Variants in EPM2A observed in about 807,000 individuals in gnomAD.
EPM2A encodes EPM2A glucan phosphatase, laforin, also known as laforin.
Under a neutral mutation model 26.5 loss-of-function variants are expected in EPM2A, and 21 were observed. The observed-to-expected ratio is 0.79, with a 90% CI of 0.56 to 1.14. EPM2A has a LOEUF of 1.14. EPM2A is among the 50% of genes most tolerant of loss of function. The probability of loss-of-function intolerance (pLI) is 0.00; values close to 1 mark genes in which losing one functional copy is unlikely to be tolerated. For synonymous variants in EPM2A, 217 were observed against 177.6 expected (o/e 1.22, Z -1.76); for missense variants, 458 against 440.8 (o/e 1.04, Z -0.35).
chr6:145,706,555 T>G (rs1382732520), intron 1 of EPM2A, among the ~76,000 whole-genome samples: 1 of 152,092 alleles, frequency 6.6e-6, no homozygotes, highest in Non-Finnish European at 1.5e-5. Context: ...TTATACTAAA[T>G]CCAATCAACA....
chr6:145,732,225 G>GTC (rs1180696426), intron 1 of EPM2A, among the ~76,000 whole-genome samples: 2 of 117,104 alleles, frequency 1.7e-5, no homozygotes, highest in Admixed American at 1.1e-4. Context: ...GTGTGTGTGT[G>GTC]TGTGTGTGTG....
chr6:145,420,129 A>AT (rs1165643690), intron 4 of EPM2A, among the ~76,000 whole-genome samples: 2 of 152,082 alleles, frequency 1.3e-5, no homozygotes, highest in Admixed American at 6.6e-5. Flanking sequence ...AAATCATCTC[A>AT]TTTTTTTGTG....
chr6:145,528,549 A>G (rs1780310961), intron 2 of EPM2A, among the ~76,000 whole-genome samples: 1 of 152,184 alleles, frequency 6.6e-6, no homozygotes, highest in Non-Finnish European at 1.5e-5. Flanking sequence ...ATCTATTTAC[A>G]GCATGATTTA....
At chr6:145,467,973 G>A in intron 4 of EPM2A, among the ~76,000 whole-genome samples, 1 of 151,438 alleles carries the variant, frequency 6.6e-6, no homozygotes, top group Non-Finnish European at 1.5e-5. Context: ...ATTTTCTTGG[G>A]TTTTCTAAGT....
chr6:145,383,795 T>C (rs1778222522), exon 5 of EPM2A: 1 of 152,206 alleles, frequency 6.6e-6, no homozygotes, highest in Admixed American at 6.5e-5. Context: ...CTAGTCAAAA[T>C]ATCTATTCTA....
chr6:145,476,660 T>C (rs1779546982), intron 4 of EPM2A, among the ~76,000 whole-genome samples: 2 of 151,972 alleles, frequency 1.3e-5, no homozygotes, highest in Non-Finnish European at 2.9e-5. Flanking sequence ...TAGGGAACTA[T>C]ACAAATACAT....
intron 1 of EPM2A, among the ~76,000 whole-genome samples, chr6:145,716,236 G>A (rs528624684): frequency 2.0e-5 from 3 of 152,256 alleles, no homozygotes; most frequent in South Asian, 2.1e-4. Context: ...AGGGACAGAA[G>A]GCTAAGTGTC....
At chr6:145,622,747 G>A (rs533483230), downstream of EPM2A, among the ~76,000 whole-genome samples, 2 of 152,256 alleles carry the variant, frequency 1.3e-5, no homozygotes, top group African/African-American at 2.4e-5. Flanking sequence ...AGGAACTGGC[G>A]CTGCTCACCC....
At chr6:145,708,959 T>G (rs1158115429) in intron 1 of EPM2A, among the ~76,000 whole-genome samples, 1 of 152,224 alleles carries the variant, frequency 6.6e-6, no homozygotes, top group Non-Finnish European at 1.5e-5. Flanking sequence ...GAGATCATTT[T>G]GGAACTTTAA....
intron 4 of EPM2A, among the ~76,000 whole-genome samples, chr6:145,408,378 A>G (rs1311062238): frequency 6.6e-6 from 1 of 152,184 alleles, no homozygotes; most frequent in African/African-American, 2.4e-5. Context: ...ATGTACAAGA[A>G]GGATGAAGTT....
chr6:145,706,585 C>T (rs180800395), intron 1 of EPM2A, among the ~76,000 whole-genome samples: 8 of 152,198 alleles, frequency 5.3e-5, no homozygotes, highest in Admixed American at 2.0e-4. Flanking sequence ...TAGGTAGCCA[C>T]TGGAGAAAAA....
chr6:145,405,307 T>C (rs1029894203), intron 4 of EPM2A, among the ~76,000 whole-genome samples: 5 of 152,142 alleles, frequency 3.3e-5, no homozygotes, highest in African/African-American at 1.2e-4. Flanking sequence ...ACGGCCTATG[T>C]TCTGATGACA....
At chr6:145,635,141 C>G in intron 3 of EPM2A, 104 bp downstream of exon 3, 4 of 1,294,460 alleles carry the variant, frequency 3.1e-6, no homozygotes, top group Non-Finnish European at 3.3e-6. Context: ...ATATTTATTC[C>G]ATTTCTACCA....
At chr6:145,404,632 C>G (rs1274222025) in intron 4 of EPM2A, among the ~76,000 whole-genome samples, 1 of 152,002 alleles carries the variant, frequency 6.6e-6, no homozygotes, top group Non-Finnish European at 1.5e-5. Context: ...AAATTAACAC[C>G]AAAGCTTCCT....
chr6:145,451,597 G>T (rs879105923), intron 4 of EPM2A, among the ~76,000 whole-genome samples: 2 of 152,164 alleles, frequency 1.3e-5, no homozygotes, highest in African/African-American at 2.4e-5. Context: ...TTTAGAAACT[G>T]ATATGAGAAT....
intron 2 of EPM2A, among the ~76,000 whole-genome samples, chr6:145,612,490 C>A (rs1775411968): frequency 6.6e-6 from 1 of 151,806 alleles, no homozygotes; most frequent in African/African-American, 2.4e-5. Flanking sequence ...ATTCTTTGGC[C>A]AGAAAACAAT....
At chr6:145,484,595 A>G (rs2114736019) in intron 4 of EPM2A, among the ~76,000 whole-genome samples, 2 of 152,276 alleles carry the variant, frequency 1.3e-5, no homozygotes, top group East Asian at 3.9e-4. Context: ...ATGTAATTAT[A>G]GGACAAATAT....
chr6:145,448,206 A>T (rs1779149781), intron 4 of EPM2A, among the ~76,000 whole-genome samples: 1 of 152,134 alleles, frequency 6.6e-6, no homozygotes, highest in Non-Finnish European at 1.5e-5. Flanking sequence ...AGTGCTTATT[A>T]AAAATGTGTA....
chr6:145,552,423 C>G (rs1359615922), intron 2 of EPM2A, among the ~76,000 whole-genome samples: 1 of 151,762 alleles, frequency 6.6e-6, no homozygotes, highest in Admixed American at 6.6e-5. Context: ...GAATGAAAAC[C>G]AGAAGATTGC....
Sources: allele counts gnomAD v4.1 joint callset (sites outside exome capture counted in the v4.1 genomes callset), GRCh38; gene constraint gnomAD v4.1.1; transcripts MANE v1.5; gene names NCBI Gene and HGNC (gene_info 2026-07-23, HGNC 2026-07-21).